The following ACADVL variants were observed in gnomAD, a reference collection of about 807,000 sequenced individuals.
ACADVL encodes the protein very long-chain acyl-CoA dehydrogenase, mitochondrial.
A neutral mutation model predicts 80.4 loss-of-function variants in ACADVL; 73 were observed. The observed-to-expected ratio is 0.91, with a 90% confidence interval of 0.75 to 1.10. The LOEUF is 1.10. Among genes scored for constraint, ACADVL ranks in the 50% least tolerant of loss-of-function variants. ACADVL has a pLI of 0.00. For missense variants in ACADVL, 878 were observed against 858.9 expected (o/e 1.02, Z -0.28); for synonymous variants, 392 against 326.5 (o/e 1.20, Z -2.16).
At chr17:7,219,017 C>A, upstream of ACADVL, 1 of 693,886 alleles carries the variant, frequency 1.4e-6, no homozygotes, top group Non-Finnish European at 2.5e-6. Context: ...GCTCCACACA[C>A]CCTGGCCCCC....
upstream of ACADVL, chr17:7,219,561 C>A: frequency 9.0e-7 from 1 of 1,110,534 alleles, no homozygotes; most frequent in Non-Finnish European, 1.1e-6. Flanking sequence ...TAGAGTCTGT[C>A]TTTCCATGTC....
chr17:7,219,706 C>G, upstream of ACADVL: 1 of 1,399,838 alleles, frequency 7.1e-7, no homozygotes, highest in Non-Finnish European at 9.3e-7. Context: ...CTGTCCCATC[C>G]TATCCCATCA....
chr17:7,223,224 AGTAT>A lies in ACADVL; in HGVS notation c.1173_1176del (p.Tyr391Ter). ...AAGCTGGCACGGATGGTTATGCTGC[AGTAT>A]GTAACTGAGGTGAGGGCCTCCCAAG... On this transcript the variant is annotated frameshift_variant, in exon 11 of 20. Coordinates refer to ENST00000356839, the MANE Select transcript of ACADVL (RefSeq NM_000018.4). LOFTEE classifies it high-confidence loss of function. 6.2e-7 allele frequency: 1 copy of A among 1,613,670 alleles called. No individual in the cohort carries two copies. The highest frequency in any genetic ancestry group is 8.5e-7 in the Non-Finnish European group (1 of 1,179,630).
At chr17:7,218,205 C>T (rs1369743828), upstream of ACADVL, 2 of 1,588,568 alleles carry the variant, frequency 1.3e-6, no homozygotes, top group African/African-American at 1.3e-5. Flanking sequence ...CCTGCCTGCC[C>T]CTCAGGAAGT....
Position 7,222,233 on chromosome 17 carries a change from C to G in ACADVL, c.809C>G (p.Pro270Arg), listed in dbSNP as rs1203047984. The G allele has an allele frequency of 6.2e-7, 1 of 1,614,110 alleles. No individual in the cohort carries two copies. ...TTTGCCAAGACACCAGTTACAGATC[C>G]AGCCACAGGAGCCGTGAAGGAGAAG... ...TVFAKTPVTD[P>R]ATGAVKEKIT... The change falls in exon 9 of 20, where the codon CCA becomes CGA. Residue 270 changes from proline to arginine, a missense_variant. Physicochemically the swap from Pro to Arg is moderately radical, Grantham distance 103 (BLOSUM62 -2). Transcript: ENST00000356839.
rs1555529048 is a variant in ACADVL, at chr17:7,224,822, CTGAG to C, written c.1770_1773del (p.Ser590ArgfsTer89). 2.5e-6 allele frequency: 4 copies of C among 1,614,016 alleles called. No individual in the cohort carries two copies. The highest frequency in any genetic ancestry group is 3.4e-6 in the Non-Finnish European group (4 of 1,180,002). On this transcript the variant is annotated frameshift_variant, in exon 19 of 20. Transcript: ENST00000356839. LOFTEE classifies it high-confidence loss of function. The stretch of plus-strand genomic sequence containing the variant: ...GCTTCCTGCCAGGGCCTCAAGATCC[CTGAG>C]TGAGGGCCACCCCACGGCCCAGCAT...
chr17:7,220,407 T>G, intron 2 of ACADVL, 57 bp from the exon 3 acceptor site: 1 of 1,610,218 alleles, frequency 6.2e-7, no homozygotes. Flanking sequence ...TCGCCTGTTC[T>G]CCCCTTGACA....
upstream of ACADVL, chr17:7,218,658 A>G: frequency 1.9e-6 from 3 of 1,556,440 alleles, no homozygotes; most frequent in Non-Finnish European, 2.6e-6. Context: ...ATGCAAGGAG[A>G]ATTGGGACAG....
At chr17:7,218,145 G>T, upstream of ACADVL, 1 of 1,160,824 alleles carries the variant, frequency 8.6e-7, no homozygotes, top group Non-Finnish European at 1.2e-6. Flanking sequence ...TGTCAGCAGG[G>T]CCCCCAAGAT....
At position 7,222,687 on chromosome 17, in the gene ACADVL, T is replaced by G. The variant is rs142765230; in HGVS notation, c.899T>G (p.Met300Arg). The change falls in exon 10 of 20, where the codon ATG becomes AGG. Residue 300 changes from methionine (M) to arginine (R), a missense_variant. Coordinates refer to ENST00000356839, the MANE Select transcript of ACADVL (RefSeq NM_000018.4). ...GITHGPPEKK[M>R]GIKASNTAEV... ...CACAGTGGGCCCCCTGAGAAGAAGATGGGCATCAAGGCTTCAAACACAGCA... is the reference window on the plus strand; with the variant it reads ...CACAGTGGGCCCCCTGAGAAGAAGAGGGGCATCAAGGCTTCAAACACAGCA... The G allele has an allele frequency of 2.5e-6, 4 of 1,613,770 alleles. No individual in the cohort carries two copies. In the African/African-American group the frequency reaches 4.0e-5, roughly 16 times the overall value.
rs372684079 is a variant in ACADVL at position 7,221,581 on chromosome 17, T to C, written c.521T>C (p.Val174Ala). Reference protein sequence around the residue: ...VEIVGMHDLGVGITLGAHQSI... With the variant: ...VEIVGMHDLGAGITLGAHQSI... ...ATCGTGGGCATGCATGACCTTGGCG[T>C]GGGCATTACCCTGGGGGCCCATCAG... Residue 174 changes from valine to alanine, a missense_variant, in exon 7 of 20, where the codon GTG (valine) becomes GCG (alanine). Coordinates refer to ENST00000356839, the MANE Select transcript of ACADVL (RefSeq NM_000018.4). The C allele has an allele frequency of 2.5e-6, 4 of 1,613,922 alleles. No individual in the cohort carries two copies. The African/African-American group carries it at 5.3e-5, about 22-fold the overall frequency.
At chr17:7,221,864 G>T in intron 7 of ACADVL, 88 bp from the exon 8 acceptor site, 1 of 1,607,108 alleles carries the variant, frequency 6.2e-7, no homozygotes, top group Non-Finnish European at 8.5e-7. Flanking sequence ...TGTTAAGGGG[G>T]AACTGCCTGC....
chr17:7,224,363 C>T lies in ACADVL; in HGVS notation c.1575C>T (p.Val525=). The T allele has an allele frequency of 1.2e-6, 2 of 1,613,848 alleles. No homozygotes were observed. The highest frequency in any genetic ancestry group is 1.7e-6 in the Non-Finnish European group (2 of 1,179,936). ...LGSGLSLSGL[V]HPELSRSGEL... ...GCGGCCTGAGTCTCAGCGGACTTGT[C>T]CACCCGGAGTTGAGTCGGAGTGGCG... is the stretch of plus-strand genomic sequence containing the variant. The change falls in exon 16 of 20, where the codon GTC becomes GTT. Residue 525 remains valine (V), a synonymous_variant. Transcript: ENST00000356839.
rs908625615 is a variant in ACADVL at position 7,224,883 on chromosome 17, A to C, written c.1826A>C (p.Glu609Ala). ...ATGCTCTGTGACACCTGGTGTATCG[A>C]GGTGAGACTCGGGGCTGCCAAGCTC... ...EKMLCDTWCIEAAARIREGMA... is the reference protein window; with the variant it reads ...EKMLCDTWCIAAAARIREGMA... The change falls in exon 19 of 20, where the codon GAG becomes GCG. Residue 609 changes from glutamate (E) to alanine (A), a missense_variant and splice_region_variant. By Grantham distance (107) the Glu-to-Ala change is moderately radical. Transcript: ENST00000356839. 5.0e-6 allele frequency: 8 copies of C among 1,614,048 alleles called. No homozygotes were observed. Among genetic ancestry groups the C allele is most frequent in the Non-Finnish European group, 6.8e-6 (8 of 1,180,026 alleles).
At chr17:7,222,385 G>A in intron 9 of ACADVL, 83 bp downstream of exon 9, 2 of 1,566,562 alleles carry the variant, frequency 1.3e-6, no homozygotes, top group Non-Finnish European at 1.7e-6. Flanking sequence ...AGTCACCCTG[G>A]GGACGTGTGC....
At chr17:7,219,668 G>A, upstream of ACADVL, 2 of 1,305,038 alleles carry the variant, frequency 1.5e-6, no homozygotes, top group East Asian at 3.4e-5. Flanking sequence ...CATCCCTCTG[G>A]CTGCAGTGAC....
At position 7,224,524 on chromosome 17, in the gene ACADVL, G is replaced by A. The variant is rs1382426031; in HGVS notation, c.1650G>A (p.Lys550=). 2 of 1,613,156 alleles carry A rather than the reference G, an allele frequency of 1.2e-6. No individual in the cohort carries two copies. The highest frequency in any genetic ancestry group is 1.7e-5 in the Admixed American group (1 of 60,016). The change falls in exon 17 of 20, where the codon AAG becomes AAA. Residue 550 remains lysine (K), a synonymous_variant. Transcript: ENST00000356839. The part of the protein sequence containing the change: ...LEQFATVVEA[K]LIKHKKGIVN... ...AGTTTGCCACTGTGGTGGAGGCCAA[G>A]CTGATAAAACACAAGAAGGGGATTG...
At chr17:7,222,538 G>A (rs2071279926) in intron 9 of ACADVL, 129 bp from the exon 10 acceptor site, 2 of 1,185,498 alleles carry the variant, frequency 1.7e-6, no homozygotes, top group Non-Finnish European at 1.2e-6. Flanking sequence ...GAGGGGAAGT[G>A]GTGGCTGTAG....
intron 6 of ACADVL, 138 bp downstream of exon 6, chr17:7,221,196 C>T: frequency 2.1e-6 from 3 of 1,418,764 alleles, no homozygotes; most frequent in South Asian, 1.2e-5. Flanking sequence ...TGGATGTTAA[C>T]TGTCCAAACA....
Sources: gnomAD v4.1 joint callset for allele counts on GRCh38, gnomAD v4.1.1 for gene constraint, MANE v1.5 for transcripts, NCBI Gene and HGNC (gene_info 2026-07-23, HGNC 2026-07-21) for gene names.